INPP4B: variants seen among roughly 807,000 people sequenced by gnomAD.
The protein encoded by INPP4B is inositol polyphosphate 4-phosphatase type II.
INPP4B carries 55 observed loss-of-function variants against 122.5 expected under a neutral mutation model. The observed-to-expected ratio is 0.45, with a 90% CI of 0.36 to 0.56. The LOEUF (loss-of-function observed/expected upper bound fraction) is 0.56, where lower values mean the gene tolerates loss of function less well. Ranked by LOEUF, INPP4B falls within the 20% of genes least tolerant of loss-of-function variation. INPP4B has a pLI of 0.00. For missense variants in INPP4B, 1,000 were observed against 1,097.7 expected, an observed-to-expected ratio of 0.91 and a Z score of 1.26; for synonymous variants, 403 against 388.7, an observed-to-expected ratio of 1.04 and a Z score of -0.43.
chr4:142,751,869 G>A (rs889331919), intron 1 of INPP4B, among the ~76,000 whole-genome samples: 13 of 151,944 alleles, frequency 8.6e-5, no homozygotes, highest in African/African-American at 3.1e-4. Context: ...CTGTCCCCAA[G>A]GCCTGATGCA....
intron 23 of INPP4B, among the ~76,000 whole-genome samples, chr4:142,096,907 G>T (rs1015473492): frequency 3.3e-5 from 5 of 152,072 alleles, no homozygotes; most frequent in Admixed American, 2.0e-4. Flanking sequence ...ATGGAATTTA[G>T]TCTCTCTTCT....
intron 1 of INPP4B, among the ~76,000 whole-genome samples, chr4:142,807,108 G>A (rs868135121): frequency 1.5e-4 from 23 of 152,182 alleles, no homozygotes; most frequent in Non-Finnish European, 2.9e-4. Context: ...CACAAGCACC[G>A]TTAATTCAAC....
Position 142,350,686 on chromosome 4 carries a change from G to A in INPP4B, c.373-35924C>T, listed in dbSNP as rs150970046. Among the ~76,000 whole-genome samples the A allele has an allele frequency of 2.5e-3, 384 of 152,092 alleles. 1 individual carries two copies. The highest frequency in any genetic ancestry group is 8.0e-3 in the African/African-American group (334 of 41,546). On this transcript the variant is annotated intron_variant, in intron 7 of 25. Transcript: ENST00000262992. ...GTCATTTAAGAATGTCTAAGCCACT[G>A]TTATTTTCCAAGATTTAAAAGAGCA...
At chr4:142,412,750 T>A (rs968202006) in intron 5 of INPP4B, among the ~76,000 whole-genome samples, 10 of 152,144 alleles carry the variant, frequency 6.6e-5, no homozygotes, top group Admixed American at 1.3e-4. Context: ...TTCCTCTCAT[T>A]TTAGCTTATT....
At chr4:142,370,787 G>A (rs965172106) in intron 7 of INPP4B, among the ~76,000 whole-genome samples, 3 of 151,830 alleles carry the variant, frequency 2.0e-5, no homozygotes, top group African/African-American at 7.3e-5. Flanking sequence ...ACAAGGAAGA[G>A]GACACAAACA....
At chr4:142,727,108 T>C (rs1482570162) in intron 1 of INPP4B, among the ~76,000 whole-genome samples, 1 of 152,202 alleles carries the variant, frequency 6.6e-6, no homozygotes, top group Non-Finnish European at 1.5e-5. Flanking sequence ...TATTTATTAA[T>C]TAGACTCTGT....
intron 1 of INPP4B, among the ~76,000 whole-genome samples, chr4:142,835,529 C>A (rs1207258538): frequency 5.9e-5 from 9 of 152,036 alleles, no homozygotes; most frequent in East Asian, 1.9e-4. Flanking sequence ...AGAATATAGA[C>A]CCAAATACAT....
chr4:142,444,368 C>T (rs1324730678), intron 3 of INPP4B, among the ~76,000 whole-genome samples: 1 of 152,060 alleles, frequency 6.6e-6, no homozygotes, highest in Admixed American at 6.6e-5. Context: ...AGAGACTTCT[C>T]AAAATAAGAC....
chr4:142,507,089 T>C (rs1328985393), intron 2 of INPP4B, among the ~76,000 whole-genome samples: 3 of 152,214 alleles, frequency 2.0e-5, no homozygotes, highest in African/African-American at 7.2e-5. Context: ...ATAATGTCTT[T>C]GATAATGTCT....
At chr4:142,652,761 C>T (rs996379833) in intron 2 of INPP4B, among the ~76,000 whole-genome samples, 2 of 152,096 alleles carry the variant, frequency 1.3e-5, no homozygotes, top group Non-Finnish European at 2.9e-5. Flanking sequence ...TAGAAAGAAT[C>T]AATATTGTGA....
At chr4:142,287,975 G>T (rs1030319443) in intron 9 of INPP4B, among the ~76,000 whole-genome samples, 1 of 152,152 alleles carries the variant, frequency 6.6e-6, no homozygotes, top group Non-Finnish European at 1.5e-5. Context: ...GGCCTCACAT[G>T]GGAGGGAGAG....
At chr4:142,574,064 C>A (rs1733363341) in intron 2 of INPP4B, among the ~76,000 whole-genome samples, 1 of 152,178 alleles carries the variant, frequency 6.6e-6, no homozygotes, top group African/African-American at 2.4e-5. Flanking sequence ...TGCTAAAATT[C>A]TAACTCAAAC....
At chr4:142,214,757 TAGTC>T (rs1358797998) in intron 12 of INPP4B, among the ~76,000 whole-genome samples, 1 of 152,158 alleles carries the variant, frequency 6.6e-6, no homozygotes, top group Non-Finnish European at 1.5e-5. Flanking sequence ...TTCACCGTGT[TAGTC>T]AGGCTGGACT....
intron 2 of INPP4B, among the ~76,000 whole-genome samples, chr4:142,694,678 G>A (rs1048543216): frequency 6.6e-6 from 1 of 152,080 alleles, no homozygotes; most frequent in African/African-American, 2.4e-5. Flanking sequence ...TGCTGGGAAG[G>A]GTCAGACATT....
intron 2 of INPP4B, among the ~76,000 whole-genome samples, chr4:142,594,464 T>C (rs538654788): frequency 6.6e-6 from 1 of 152,192 alleles, no homozygotes. Flanking sequence ...TTATGGTCAA[T>C]TCCATTTATT....
At chr4:142,636,055 C>T (rs1749088824) in intron 2 of INPP4B, among the ~76,000 whole-genome samples, 1 of 151,950 alleles carries the variant, frequency 6.6e-6, no homozygotes, top group Non-Finnish European at 1.5e-5. Context: ...GGCAGTTTCC[C>T]CCATGCAGTT....
intron 15 of INPP4B, among the ~76,000 whole-genome samples, chr4:142,175,783 C>T (rs749610260): frequency 6.6e-5 from 10 of 152,062 alleles, no homozygotes; most frequent in Admixed American, 1.3e-4. Context: ...AAGTTTAATC[C>T]GTAACAGACT....
chr4:142,122,282 A>T lies in INPP4B; in HGVS notation c.2018-37T>A, dbSNP rs766169880. On this transcript the variant is annotated intron_variant, in intron 20 of 25. Transcript: ENST00000262992. ...AAAAGGCACTTAGCTACAAACAAAC[A>T]TTTGAGGAAAATGTCACTAGCTACT... The T allele has an allele frequency of 6.2e-6, 9 of 1,448,266 alleles. No individual in the cohort carries two copies. In the East Asian group the frequency reaches 1.9e-4, roughly 30 times the overall value. 89.7% of individuals were successfully genotyped at this position (1,448,266 alleles called of 1,614,324 possible).
intron 3 of INPP4B, among the ~76,000 whole-genome samples, chr4:142,440,956 T>C (rs929229004): frequency 6.6e-6 from 1 of 152,142 alleles, no homozygotes; most frequent in Non-Finnish European, 1.5e-5. Flanking sequence ...GTCCATTAGA[T>C]TTTTGTGTGT....
Sources: gnomAD v4.1 joint callset for allele counts (sites outside exome capture counted in the v4.1 genomes callset) on GRCh38, gnomAD v4.1.1 for gene constraint, MANE v1.5 for transcripts, NCBI Gene and HGNC (gene_info 2026-07-23, HGNC 2026-07-21) for gene names.